Variants in RPGRIP1L observed in about 807,000 individuals in gnomAD.
RPGRIP1L encodes the protein protein fantom.
A neutral mutation model predicts 160.4 loss-of-function variants in RPGRIP1L; 131 were observed. That is an observed-to-expected ratio of 0.82 (90% CI 0.71 to 0.94). The LOEUF (loss-of-function observed/expected upper bound fraction) is 0.94. Ranked by LOEUF, RPGRIP1L falls within the 40% of genes least tolerant of loss-of-function variation. RPGRIP1L has a pLI of 0.00. For synonymous variants in RPGRIP1L, 510 were observed against 515.8 expected (o/e 0.99, Z 0.15); for missense variants, 1,522 against 1,535.8 (o/e 0.99, Z 0.15).
At chr16:53,688,488 C>G (rs551074764) in intron 4 of RPGRIP1L, among the ~76,000 whole-genome samples, 15 of 152,058 alleles carry the variant, frequency 9.9e-5, no homozygotes, top group Middle Eastern at 3.4e-3. Flanking sequence ...GCAAGAATTC[C>G]TTTAAATAAA....
At position 53,665,255 on chromosome 16, in the gene RPGRIP1L, TG is replaced by T. The variant is rs376487101; in HGVS notation, c.1104-247del. Among the ~76,000 whole-genome samples, 573 of 152,290 alleles carry T rather than the reference TG, an allele frequency of 3.8e-3. 4 individuals are homozygous for T. Among genetic ancestry groups the T allele is most frequent in the African/African-American group, 0.013 (561 of 41,584 alleles). The stretch of plus-strand genomic sequence containing the variant: ...TTTAGAGCTCTAAAGTCAGAAAAGT[TG>T]GCAGTATGCAGCTTTTGTGGGACTA... On this transcript the variant is annotated intron_variant, in intron 9 of 26. Coordinates refer to ENST00000647211, the MANE Select transcript of RPGRIP1L (RefSeq NM_015272.5).
intron 14 of RPGRIP1L, 26 bp downstream of exon 14, chr16:53,656,446 G>T: frequency 7.0e-7 from 1 of 1,429,520 alleles, no homozygotes; most frequent in Non-Finnish European, 9.9e-7. Flanking sequence ...TAGTTACTGT[G>T]GACCAAAAAA....
intron 24 of RPGRIP1L, 27 bp from the exon 25 acceptor site, chr16:53,611,078 A>C: frequency 2.0e-6 from 3 of 1,508,878 alleles, no homozygotes; most frequent in Non-Finnish European, 2.8e-6. Flanking sequence ...AAAAATGCCA[A>C]AAAGGAAGTC....
intron 24 of RPGRIP1L, among the ~76,000 whole-genome samples, chr16:53,616,012 T>C (rs1391534480): frequency 6.6e-6 from 1 of 152,204 alleles, no homozygotes; most frequent in East Asian, 1.9e-4. Flanking sequence ...TCATTTTATG[T>C]ACCTAATTTG....
intron 2 of RPGRIP1L, 23 bp from the exon 3 acceptor site, chr16:53,696,318 A>C: frequency 6.2e-7 from 1 of 1,612,730 alleles, no homozygotes; most frequent in Admixed American, 1.7e-5. Context: ...CAAGATAATT[A>C]ATTGTGAGGT....
chr16:53,620,700 T>C (rs1296234221), intron 23 of RPGRIP1L, among the ~76,000 whole-genome samples: 1 of 152,218 alleles, frequency 6.6e-6, no homozygotes, highest in African/African-American at 2.4e-5. Flanking sequence ...CGGTTTCAAC[T>C]AATAACCTCA....
At chr16:53,674,924 TATG>T in intron 7 of RPGRIP1L, 90 bp downstream of exon 7, 2 of 768,892 alleles carry the variant, frequency 2.6e-6, no homozygotes, top group Non-Finnish European at 4.5e-6. Flanking sequence ...GTTCTAGTGT[TATG>T]ATAATTCCAT....
At chr16:53,665,540 T>C (rs1968167341) in intron 9 of RPGRIP1L, among the ~76,000 whole-genome samples, 1 of 152,182 alleles carries the variant, frequency 6.6e-6, no homozygotes, top group South Asian at 2.1e-4. Context: ...GTAGTGATAA[T>C]ATAGTTTTTG....
chr16:53,700,714 G>A lies in RPGRIP1L; in HGVS notation c.10C>T (p.Pro4Ser), dbSNP rs758617116. The A allele has an allele frequency of 2.2e-5, 36 of 1,612,682 alleles. No individual in the cohort carries two copies. Among genetic ancestry groups the A allele is most frequent in the Non-Finnish European group, 3.1e-5 (36 of 1,179,290 alleles). Reference sequence around the variant, plus strand: ...AAGTCTCCTGCAGTCTCATCAGTTGGACCAGACATGGCCTAGCTGTGGAAA... The same window carrying A: ...AAGTCTCCTGCAGTCTCATCAGTTGAACCAGACATGGCCTAGCTGTGGAAA... MSGPTDETAGDLPV... is the reference protein window; with the variant it reads MSGSTDETAGDLPV... Residue 4 changes from proline (P) to serine (S), a missense_variant, in exon 2 of 27, where the codon CCA becomes TCA. Transcript: ENST00000647211.
chr16:53,642,798 T>C (rs1051647843), intron 17 of RPGRIP1L, among the ~76,000 whole-genome samples: 66 of 152,146 alleles, frequency 4.3e-4, no homozygotes, highest in Non-Finnish European at 1.5e-4. Flanking sequence ...GCAGCCTCTG[T>C]TGTAGGGTGC....
chr16:53,697,819 G>A (rs1488686956), intron 2 of RPGRIP1L, among the ~76,000 whole-genome samples: 7 of 151,834 alleles, frequency 4.6e-5, no homozygotes, highest in Non-Finnish European at 7.4e-5. Flanking sequence ...CTGCCTGGCC[G>A]CCCATCGTCT....
rs185390712 is a variant in RPGRIP1L, at chr16:53,654,145, T to G, written c.1700-1158A>C. ...CACTCGGCTAATTTTTAAAATATTT[T>G]TAGTAGATGGGGTTTTGCCATGTTG... On this transcript the variant is annotated intron_variant, in intron 14 of 26. Coordinates refer to ENST00000647211, the MANE Select transcript of RPGRIP1L (RefSeq NM_015272.5). 3.3e-5 allele frequency among the ~76,000 whole-genome samples: 5 copies of G among 152,268 alleles called. No homozygotes were observed. The East Asian group carries it at 9.7e-4, about 29-fold the overall frequency.
intron 19 of RPGRIP1L, 36 bp downstream of exon 19, chr16:53,640,997 A>C: frequency 7.1e-7 from 1 of 1,407,720 alleles, no homozygotes; most frequent in Non-Finnish European, 1.0e-6. Context: ...AATATTTGTT[A>C]TGAAAAAATC....
At chr16:53,694,536 CAG>C (rs950439657) in intron 3 of RPGRIP1L, 1 of 151,020 alleles carries the variant, frequency 6.6e-6, no homozygotes, top group African/African-American at 2.4e-5. Flanking sequence ...GTTTTTTAGA[CAG>C]AGTTTCGCTC....
chr16:53,620,336 C>A (rs1213181738), intron 23 of RPGRIP1L, among the ~76,000 whole-genome samples: 1 of 152,014 alleles, frequency 6.6e-6, no homozygotes, highest in Non-Finnish European at 1.5e-5. Context: ...TAATTTTACC[C>A]CCTTCTTTCA....
intron 23 of RPGRIP1L, among the ~76,000 whole-genome samples, chr16:53,621,238 G>A (rs1317734386): frequency 1.3e-5 from 2 of 151,932 alleles, no homozygotes; most frequent in Non-Finnish European, 2.9e-5. Flanking sequence ...TGTCAAATAT[G>A]ACTACATGCA....
At chr16:53,645,531 A>T in intron 17 of RPGRIP1L, 94 bp downstream of exon 17, 1 of 1,172,616 alleles carries the variant, frequency 8.5e-7, no homozygotes, top group Non-Finnish European at 1.2e-6. Flanking sequence ...AGAAGAGGTT[A>T]GGGTGATTAG....
chr16:53,680,663 A>C (rs1969535863), intron 6 of RPGRIP1L, among the ~76,000 whole-genome samples: 1 of 152,122 alleles, frequency 6.6e-6, no homozygotes, highest in Non-Finnish European at 1.5e-5. Flanking sequence ...TTCATTGTTA[A>C]GTGTTCTGAA....
chr16:53,602,235 T>C, intron 26 of RPGRIP1L, 47 bp from the exon 27 acceptor site: 1 of 1,361,518 alleles, frequency 7.3e-7, no homozygotes, highest in Non-Finnish European at 1.0e-6. Context: ...CAACAGATTT[T>C]TCTTTGGAAA....
Sources: gnomAD v4.1 joint callset for allele counts (sites outside exome capture counted in the v4.1 genomes callset) on GRCh38, gnomAD v4.1.1 for gene constraint, MANE v1.5 for transcripts, NCBI Gene and HGNC (gene_info 2026-07-23, HGNC 2026-07-21) for gene names.